Variants in MLXIPL observed in about 807,000 individuals in gnomAD.
MLXIPL encodes MLX interacting protein like.
In MLXIPL, 49 loss-of-function variants were observed where a neutral mutation model predicts 81.5. That is an observed-to-expected ratio of 0.60 (90% CI 0.48 to 0.76). The LOEUF is 0.76. MLXIPL is among the 30% of genes least tolerant of loss of function. The pLI, the probability that MLXIPL is intolerant of heterozygous loss-of-function variation, is 0.00. For synonymous variants in MLXIPL, 466 were observed against 485.5 expected, an observed-to-expected ratio of 0.96 and a Z score of 0.53; for missense variants, 1,053 against 1,167.0, an observed-to-expected ratio of 0.90 and a Z score of 1.42.
upstream of MLXIPL, among the ~76,000 whole-genome samples, chr7:73,625,999 T>G (rs1796720201): frequency 6.6e-6 from 1 of 152,116 alleles, no homozygotes; most frequent in Non-Finnish European, 1.5e-5. Context: ...TTTATCTATA[T>G]ACTTCTATTT....
chr7:73,596,691 G>A lies in MLXIPL; in HGVS notation c.1770C>T (p.Ser590=). ...PPPGPATLAP[S]RPLLVPKAER... ...CCGCTTTGGGGACAAGCAGGGGCCTGGAAGGGGCCAATGTGGCCGGGCCTG... is the reference window on the plus strand; with the variant it reads ...CCGCTTTGGGGACAAGCAGGGGCCTAGAAGGGGCCAATGTGGCCGGGCCTG... The change falls in exon 11 of 17, where the codon TCC becomes TCT. Residue 590 remains serine (S), a synonymous_variant. Coordinates refer to ENST00000313375, the MANE Select transcript of MLXIPL (RefSeq NM_032951.3). This position sits in a 1 kb window ranked among gnomAD's most constrained non-coding sequence, Gnocchi z 4.7. 6.3e-7 allele frequency: 1 copy of A among 1,589,602 alleles called. No homozygotes were observed. The highest frequency in any genetic ancestry group is 8.6e-7 in the Non-Finnish European group (1 of 1,168,212).
chr7:73,636,929 G>A, the MLXIPL span, among the ~76,000 whole-genome samples: 7 of 151,512 alleles, frequency 4.6e-5, no homozygotes, highest in South Asian at 2.1e-4. Flanking sequence ...GCATGGTGGC[G>A]GATGCCTGTA....
intron 1 of MLXIPL, among the ~76,000 whole-genome samples, chr7:73,618,910 C>A (rs147031959): frequency 6.6e-6 from 1 of 152,158 alleles, no homozygotes; most frequent in Non-Finnish European, 1.5e-5. Context: ...ACGTTCATGG[C>A]CCAGGCAGGG....
At chr7:73,602,950 C>A (rs1391697201) in intron 7 of MLXIPL, among the ~76,000 whole-genome samples, 1 of 152,214 alleles carries the variant, frequency 6.6e-6, no homozygotes, top group Admixed American at 6.5e-5. Context: ...CCAGGCCTGT[C>A]CCCACCCTGC....
upstream of MLXIPL, among the ~76,000 whole-genome samples, chr7:73,628,681 G>A (rs978375904): frequency 6.6e-6 from 1 of 152,178 alleles, no homozygotes; most frequent in Non-Finnish European, 1.5e-5. Flanking sequence ...CGCACCCCCT[G>A]TTCAGGGCAC....
Position 73,623,360 on chromosome 7 carries a change from CG to C in MLXIPL, c.293+839del, listed in dbSNP as rs1369175258. Among the ~76,000 whole-genome samples, 2 of 152,228 alleles carry C rather than the reference CG, an allele frequency of 1.3e-5. No homozygotes were observed. The highest frequency in any genetic ancestry group is 6.5e-5 in the Admixed American group (1 of 15,284). ...ATAATTTATACTGGCCCCTCAACTC[CG>C]GGGAACTTTGCTCCAGGGCACTGGG... On this transcript the variant is annotated intron_variant, in intron 1 of 16. Coordinates refer to ENST00000313375, the MANE Select transcript of MLXIPL (RefSeq NM_032951.3). This position sits in a 1 kb window ranked among gnomAD's most constrained non-coding sequence, Gnocchi z 5.7.
intron 7 of MLXIPL, among the ~76,000 whole-genome samples, chr7:73,603,665 C>G (rs184428625): frequency 1.5e-4 from 23 of 152,268 alleles, no homozygotes; most frequent in African/African-American, 5.5e-4. Context: ...CCAGGGGCTT[C>G]GATGAGACGG....
Position 73,593,689 on chromosome 7 carries a change from T to A in MLXIPL, c.*176A>T. ...GGCAGAGCAGGGACGGGGACTCTGC[T>A]CTTCTTGACCTCCAGGAGGTGGCAA... On this transcript the variant is annotated 3_prime_UTR_variant, in exon 17 of 17. Transcript: ENST00000313375. 1.6e-6 allele frequency: 1 copy of A among 637,026 alleles called. No homozygotes were observed. The highest frequency in any genetic ancestry group is 2.8e-6 in the Non-Finnish European group (1 of 352,596). The allele number at this position is 637,026 out of a possible 1,614,324, so 39.5% of individuals were successfully genotyped here. A position where few individuals can be genotyped will look rare whatever the true frequency, so the allele number is the denominator to read the frequency against.
chr7:73,645,461 C>A, the MLXIPL span, among the ~76,000 whole-genome samples: 1 of 152,118 alleles, frequency 6.6e-6, no homozygotes, highest in Non-Finnish European at 1.5e-5. Flanking sequence ...AGAGACAGAG[C>A]CACCTTGCCC....
At position 73,594,394 on chromosome 7, in the gene MLXIPL, G is replaced by T; in HGVS notation, c.2320C>A (p.Leu774Ile). ...HNWKFWVFSI[L>I]IRPLFESFNG... is the part of the protein sequence containing the mutation. Reference sequence around the variant, plus strand: ...AAGGACTCAAACAGAGGCCGGATGAGGATGCTGAACTGGGCCCAGGTCAAG... The same window carrying T: ...AAGGACTCAAACAGAGGCCGGATGATGATGCTGAACTGGGCCCAGGTCAAG... The change falls in exon 16 of 17, where the codon CTC (leucine) becomes ATC (isoleucine). Residue 774 changes from leucine (L) to isoleucine (I), a missense_variant. Around this residue, in one of 3 missense-constraint regions of MLXIPL, gnomAD observed 823 missense variants for 933.0 expected, o/e 0.88. Transcript: ENST00000313375. 6.2e-7 allele frequency: 1 copy of T among 1,603,210 alleles called. No individual in the cohort carries two copies.
At chr7:73,626,800 T>G (rs6967028), upstream of MLXIPL, among the ~76,000 whole-genome samples, 1 of 152,120 alleles carries the variant, frequency 6.6e-6, no homozygotes, top group African/African-American at 2.4e-5. Flanking sequence ...TGCTAAGCTC[T>G]GCTGGCTTTC....
In MLXIPL at chr7:73,605,985, A is replaced by G; in HGVS notation, c.745T>C (p.Leu249=). 6.3e-7 allele frequency: 1 copy of G among 1,592,896 alleles called. No individual in the cohort carries two copies. ...GRQLLDLNCF[L]SDISDTLFTM... ...AAGAGAGTGTCTGAGATGTCGGACA[A>G]AAAGCAATTGAGGTCCAGGAGCTGC... The change falls in exon 6 of 17, where the codon TTG becomes CTG. Residue 249 remains leucine, a synonymous_variant. Coordinates refer to ENST00000313375, the MANE Select transcript of MLXIPL (RefSeq NM_032951.3).
chr7:73,624,054 G>A, intron 1 of MLXIPL, 146 bp downstream of exon 1: 1 of 1,124,212 alleles, frequency 8.9e-7, no homozygotes, highest in Non-Finnish European at 1.2e-6. Context: ...GAGAAAGGGG[G>A]TGTCCAGGGC....
chr7:73,595,532 T>C, intron 15 of MLXIPL, 105 bp downstream of exon 15: 2 of 1,608,550 alleles, frequency 1.2e-6, no homozygotes, highest in South Asian at 1.1e-5. Flanking sequence ...GGAGCAGCTC[T>C]GAGCCTGCCC....
Position 73,596,416 on chromosome 7 carries a change from C to A in MLXIPL, c.1886G>T (p.Arg629Leu), listed in dbSNP as rs781954096. 9.3e-6 allele frequency: 15 copies of A among 1,612,840 alleles called. No individual in the cohort carries two copies. Among genetic ancestry groups the A allele is most frequent in the Non-Finnish European group, 1.3e-5 (15 of 1,179,942 alleles). Residue 629 changes from arginine (R) to leucine (L), a missense_variant, in exon 12 of 17, where the codon CGT becomes CTT. Coordinates refer to ENST00000313375, the MANE Select transcript of MLXIPL (RefSeq NM_032951.3). The surrounding 1 kb of genome is among the most constrained non-coding windows in gnomAD (Gnocchi z 4.7). The part of the protein sequence containing the change: ...SMPGPGTLSV[R>L]VSPPQPILSR... ...GAGGATGGGTTGCGGGGGAGAGACA[C>A]GGACGCTCAGAGTCCCAGGGCCTGG... is the stretch of plus-strand genomic sequence containing the variant.
chr7:73,642,869 A>G, the MLXIPL span, among the ~76,000 whole-genome samples: 8 of 152,170 alleles, frequency 5.3e-5, no homozygotes, highest in Non-Finnish European at 7.4e-5. Flanking sequence ...TTCTCCCCCA[A>G]GTTTGGGGAG....
In MLXIPL at chr7:73,595,953, G is replaced by A. The variant is rs146556960; in HGVS notation, c.2075C>T (p.Thr692Met). The change falls in exon 14 of 17, where the codon ACG becomes ATG. Residue 692 changes from threonine to methionine, a missense_variant. By Grantham distance (81) the Thr-to-Met change is moderately conservative. Transcript: ENST00000313375. Reference sequence around the variant, plus strand: ...GATGTACTCAGCTGTCTTCTGCAGCGTGGTAGCTTTGCTCACCTGCAGACG... The same window carrying A: ...GATGTACTCAGCTGTCTTCTGCAGCATGGTAGCTTTGCTCACCTGCAGACG... The part of the protein sequence containing the change: ...QPSLKVSKAT[T>M]LQKTAEYILM... The A allele has an allele frequency of 7.7e-5, 124 of 1,613,014 alleles. 1 individual carries two copies. The highest frequency in any genetic ancestry group is 9.5e-5 in the Non-Finnish European group (112 of 1,180,006).
upstream of MLXIPL, among the ~76,000 whole-genome samples, chr7:73,626,983 G>C (rs1302194314): frequency 3.9e-5 from 6 of 152,168 alleles, no homozygotes; most frequent in Admixed American, 2.0e-4. Flanking sequence ...CTGGCTGTGG[G>C]AGGAAAGTGA....
At chr7:73,599,794 G>A in intron 7 of MLXIPL, 99 bp from the exon 8 acceptor site, 2 of 1,187,376 alleles carry the variant, frequency 1.7e-6, no homozygotes, top group Non-Finnish European at 2.4e-6. Flanking sequence ...TGGCGGGTGG[G>A]GACATGGGGA....
Sources: allele counts gnomAD v4.1 joint callset (sites outside exome capture counted in the v4.1 genomes callset), GRCh38; gene constraint gnomAD v4.1.1; regional missense constraint gnomAD v4.1.1; non-coding constraint Gnocchi (gnomAD v3.1); transcripts MANE v1.5; gene names NCBI Gene and HGNC (gene_info 2026-07-23, HGNC 2026-07-21).